TRIM62: variants seen among roughly 807,000 people sequenced by gnomAD.
The protein encoded by TRIM62 is E3 ubiquitin-protein ligase TRIM62.
In TRIM62, 39 loss-of-function variants were observed where a neutral mutation model predicts 44.2. That is an observed-to-expected ratio of 0.88 (90% CI 0.68 to 1.15). The LOEUF is 1.15. Among genes scored for constraint, TRIM62 ranks in the 50% most tolerant of loss-of-function variants. The probability of loss-of-function intolerance (pLI) is 0.00; values close to 1 mark genes in which losing one functional copy is unlikely to be tolerated. For synonymous variants in TRIM62, 278 were observed against 292.3 expected (o/e 0.95, Z 0.50); for missense variants, 544 against 665.5 (o/e 0.82, Z 2.01).
intron 3 of TRIM62, among the ~76,000 whole-genome samples, chr1:33,158,846 C>T (rs1161072711): frequency 2.0e-4 from 29 of 145,624 alleles, no homozygotes; most frequent in Admixed American, 5.5e-4. Context: ...TCTTTTTTTT[C>T]TTTTTTTTTT....
At position 33,167,874 on chromosome 1, in the gene TRIM62, T is replaced by C. The variant is rs994753805; in HGVS notation, c.409-2308A>G. Among the ~76,000 whole-genome samples, 1 of 152,218 alleles carries C rather than the reference T, an allele frequency of 6.6e-6. No individual in the cohort carries two copies. The highest frequency in any genetic ancestry group is 6.5e-5 in the Admixed American group (1 of 15,286). The stretch of plus-strand genomic sequence containing the variant: ...ATCTTTGATTACTATCAATTATTCA[T>C]TTAAAAAACATTTCTTGGGCAACTA... On this transcript the variant is annotated intron_variant, in intron 1 of 4. Transcript: ENST00000291416. This position sits in a 1 kb window ranked among gnomAD's most constrained non-coding sequence, Gnocchi z 4.2.
Position 33,147,792 on chromosome 1 carries a change from C to A in TRIM62, c.878-65G>T. The A allele has an allele frequency of 6.5e-7, 1 of 1,543,252 alleles. No homozygotes were observed. On this transcript the variant is annotated intron_variant, in intron 4 of 4. Transcript: ENST00000291416. This position sits in a 1 kb window ranked among gnomAD's most constrained non-coding sequence, Gnocchi z 8.1. ...AAGGCTGTGGACCCACCATGCAGTG[C>A]CTTCCTGAGGGCAGAGTTCTGGTTG...
intron 2 of TRIM62, among the ~76,000 whole-genome samples, chr1:33,162,693 A>AGGGGGGAAGGCAGGGACAG (rs1459195697): frequency 6.6e-6 from 1 of 152,080 alleles, no homozygotes; most frequent in South Asian, 2.1e-4. Context: ...TGGGAGGGAA[A>AGGGGGGAAGGCAGGGACAG]GGGGGGAAGG....
intron 4 of TRIM62, among the ~76,000 whole-genome samples, chr1:33,150,761 G>C: frequency 6.6e-6 from 1 of 152,126 alleles, no homozygotes; most frequent in Middle Eastern, 3.2e-3. Context: ...TGTAGGAGGA[G>C]TGTGTGGTAG....
chr1:33,175,001 G>GTA lies in TRIM62; in HGVS notation c.408+6022_408+6023dup, dbSNP rs56292337. On this transcript the variant is annotated intron_variant, in intron 1 of 4. Transcript: ENST00000291416. Reference sequence around the variant, plus strand: ...TATACATATATATGCACACACACATGTATGTATATGTATATGTATATGTAT... The same window carrying GTA: ...TATACATATATATGCACACACACATGTATATGTATATGTATATGTATATGTAT... 3.3e-3 allele frequency among the ~76,000 whole-genome samples: 450 copies of GTA among 135,642 alleles called. 6 individuals carry two copies. Among genetic ancestry groups the GTA allele is most frequent in the African/African-American group, 0.012 (418 of 34,296 alleles). 89.0% of individuals were successfully genotyped at this position (135,642 alleles called of 152,430 possible).
intron 1 of TRIM62, among the ~76,000 whole-genome samples, chr1:33,176,087 G>A (rs746626693): frequency 1.8e-4 from 28 of 152,132 alleles, no homozygotes; most frequent in Non-Finnish European, 2.6e-4. Context: ...GGCTGCTGTT[G>A]GCATAGAAAT....
rs151318008 is a variant in TRIM62 at position 33,147,821 on chromosome 1, C to T, written c.878-94G>A. ...CCTGAGGGCAGAGTTCTGGTTGGTA[C>T]GCAGGAGGCCTCTGACCTGCTGTGT... On this transcript the variant is annotated intron_variant, in intron 4 of 4. Transcript: ENST00000291416. This position sits in a 1 kb window ranked among gnomAD's most constrained non-coding sequence, Gnocchi z 8.1. 1.2e-5 allele frequency: 17 copies of T among 1,412,552 alleles called. No individual in the cohort carries two copies. The East Asian group carries it at 1.4e-4, about 12-fold the overall frequency. The allele number at this position is 1,412,552 out of a possible 1,614,324, so 87.5% of individuals were successfully genotyped here.
In TRIM62 at chr1:33,165,357, G is replaced by T. The variant is rs2124739034; in HGVS notation, c.504+114C>A. On this transcript the variant is annotated intron_variant, in intron 2 of 4. Coordinates refer to ENST00000291416, the MANE Select transcript of TRIM62 (RefSeq NM_018207.3). The surrounding 1 kb of genome is among the most constrained non-coding windows in gnomAD (Gnocchi z 4.0). ...CTCACTCCAGGTTTGGCTCCTTGAA[G>T]CCAGGTTTCCACCGCACACCCGAGG... 2.0e-6 allele frequency: 2 copies of T among 1,003,944 alleles called. No homozygotes were observed. The highest frequency in any genetic ancestry group is 2.9e-6 in the Non-Finnish European group (2 of 699,820). 62.2% of individuals were successfully genotyped at this position (1,003,944 alleles called of 1,614,324 possible). A position where few individuals can be genotyped will look rare whatever the true frequency, so the allele number is the denominator to read the frequency against.
rs1334624900 is a variant in TRIM62 at position 33,165,485 on chromosome 1, G to A, written c.490C>T (p.Leu164=). 6.2e-7 allele frequency: 1 copy of A among 1,606,510 alleles called. No homozygotes were observed. The highest frequency in any genetic ancestry group is 8.5e-7 in the Non-Finnish European group (1 of 1,176,554). The change falls in exon 2 of 5, where the codon CTG becomes TTG. Residue 164 remains leucine, a synonymous_variant. Transcript: ENST00000291416. This position sits in a 1 kb window ranked among gnomAD's most constrained non-coding sequence, Gnocchi z 4.0. ...TEALQLLKRQ[L]AETKSSTKSL... ...GCCAGGCTCACCTTGGTCTCCGCCAGTTGTCGCTTGAGCAGCTGCAGCGCT... is the reference window on the plus strand; with the variant it reads ...GCCAGGCTCACCTTGGTCTCCGCCAATTGTCGCTTGAGCAGCTGCAGCGCT...
At chr1:33,156,920 T>G (rs910158925) in intron 4 of TRIM62, among the ~76,000 whole-genome samples, 6 of 144,376 alleles carry the variant, frequency 4.2e-5, no homozygotes, top group African/African-American at 1.5e-4. Context: ...ATGTCCTAAA[T>G]CCCACCCCTT....
In TRIM62 at chr1:33,181,764, T is replaced by C; in HGVS notation, c.-332A>G. 1 of 263,466 alleles carries C rather than the reference T, an allele frequency of 3.8e-6. No homozygotes were observed. The highest frequency in any genetic ancestry group is 6.9e-6 in the Non-Finnish European group (1 of 144,296). The allele number at this position is 263,466 out of a possible 1,614,324, so 16.3% of individuals were successfully genotyped here. ...TAGGGGGCGGGGCAGTCCTAAGGGA[T>C]AGGAGCTGGGAGAAGGGGATCCCGG... On this transcript the variant is annotated 5_prime_UTR_variant, in exon 1 of 5. Transcript: ENST00000291416. The surrounding 1 kb of genome is among the most constrained non-coding windows in gnomAD (Gnocchi z 6.5).
chr1:33,181,237 G>A lies in TRIM62; in HGVS notation c.196C>T (p.Leu66Phe), dbSNP rs573635780. The change falls in exon 1 of 5, where the codon CTC becomes TTC. Residue 66 changes from leucine to phenylalanine, a missense_variant. Transcript: ENST00000291416. This position sits in a 1 kb window ranked among gnomAD's most constrained non-coding sequence, Gnocchi z 6.5. The part of the protein sequence containing the change: ...TFAEPALAPS[L>F]KLANIVERYS... ...CGCTCCACGATGTTGGCCAGCTTGA[G>A]GCTGGGCGCCAGCGCGGGCTCGGCG... The A allele has an allele frequency of 1.4e-5, 22 of 1,561,054 alleles. No individual in the cohort carries two copies. Among genetic ancestry groups the A allele is most frequent in the African/African-American group, 4.1e-5 (3 of 73,568 alleles).
intron 4 of TRIM62, among the ~76,000 whole-genome samples, chr1:33,156,631 G>A (rs569862910): frequency 3.9e-5 from 6 of 152,112 alleles, no homozygotes; most frequent in South Asian, 2.1e-4. Context: ...TTTTCTATCC[G>A]CCCCCACTTC....
Position 33,165,730 on chromosome 1 carries a change from C to G in TRIM62, c.409-164G>C. On this transcript the variant is annotated intron_variant, in intron 1 of 4. Coordinates refer to ENST00000291416, the MANE Select transcript of TRIM62 (RefSeq NM_018207.3). The surrounding 1 kb of genome is among the most constrained non-coding windows in gnomAD (Gnocchi z 4.0). ...CACCAGCAAGTCCTGTAGAGTCTGT[C>G]TCCTAAACACCTCCAGAACCCGTCC... 1 of 497,142 alleles carries G rather than the reference C, an allele frequency of 2.0e-6. No individual in the cohort carries two copies. Among genetic ancestry groups the G allele is most frequent in the East Asian group, 3.4e-5 (1 of 29,338 alleles). 30.8% of individuals were successfully genotyped at this position (497,142 alleles called of 1,614,324 possible). A position where few individuals can be genotyped will look rare whatever the true frequency, so the allele number is the denominator to read the frequency against.
chr1:33,153,066 G>C (rs1016964767), intron 4 of TRIM62, among the ~76,000 whole-genome samples: 1 of 152,012 alleles, frequency 6.6e-6, no homozygotes, highest in Non-Finnish European at 1.5e-5. Flanking sequence ...GAGGGTGGAA[G>C]TGCCAGAGCA....
Position 33,146,073 on chromosome 1 carries a change from A to AT in TRIM62, c.*1103dup, listed in dbSNP as rs986166009. ...TTTCTGGCATAGTGGCTTCCTGCAG[A>AT]TGGGGGCAGCTTTCCTGGTCACAAC... On this transcript the variant is annotated 3_prime_UTR_variant, in exon 5 of 5. Transcript: ENST00000291416. 11 of 352,592 alleles carry AT rather than the reference A, an allele frequency of 3.1e-5. No homozygotes were observed. The highest frequency in any genetic ancestry group is 2.4e-4 in the African/African-American group (11 of 46,434). 21.8% of individuals were successfully genotyped at this position (352,592 alleles called of 1,614,324 possible). A position where few individuals can be genotyped will look rare whatever the true frequency, so the allele number is the denominator to read the frequency against.
At position 33,161,811 on chromosome 1, in the gene TRIM62, G is replaced by A. The variant is rs1645272458; in HGVS notation, c.505-1867C>T. On this transcript the variant is annotated intron_variant, in intron 2 of 4. Coordinates refer to ENST00000291416, the MANE Select transcript of TRIM62 (RefSeq NM_018207.3). The surrounding 1 kb of genome is among the most constrained non-coding windows in gnomAD (Gnocchi z 4.3). ...CCACTCTGCAGCACTTAGCCCACTC[G>A]CCACCCTCTCCTAGTTGAAAGTTCT... 6.6e-6 allele frequency among the ~76,000 whole-genome samples: 1 copy of A among 152,078 alleles called. No individual in the cohort carries two copies. The highest frequency in any genetic ancestry group is 6.5e-5 in the Admixed American group (1 of 15,272).
rs1049218205 is a variant in TRIM62 at position 33,181,654 on chromosome 1, C to G, written c.-222G>C. ...TGGGACGCCAGCCCGGGAGGGCAGT[C>G]TAGAGGTAGTGGGCAGCTCAAGGCG... On this transcript the variant is annotated 5_prime_UTR_variant, in exon 1 of 5. Transcript: ENST00000291416. This position sits in a 1 kb window ranked among gnomAD's most constrained non-coding sequence, Gnocchi z 6.5. The G allele has an allele frequency of 1.3e-6, 1 of 786,938 alleles. No homozygotes were observed. Among genetic ancestry groups the G allele is most frequent in the Non-Finnish European group, 1.9e-6 (1 of 524,140 alleles). 48.7% of individuals were successfully genotyped at this position (786,938 alleles called of 1,614,324 possible). A position where few individuals can be genotyped will look rare whatever the true frequency, so the allele number is the denominator to read the frequency against.
At position 33,181,486 on chromosome 1, in the gene TRIM62, A is replaced by C; in HGVS notation, c.-54T>G. The stretch of plus-strand genomic sequence containing the variant: ...CGAGGGGCAGGGGGGCGGCTGAGAG[A>C]GCGCGGCGCTGTCGGAGGCAGCACC... On this transcript the variant is annotated 5_prime_UTR_variant, in exon 1 of 5. Transcript: ENST00000291416. The surrounding 1 kb of genome is among the most constrained non-coding windows in gnomAD (Gnocchi z 6.5). The C allele has an allele frequency of 2.6e-6, 4 of 1,518,864 alleles. No homozygotes were observed. The South Asian group carries it at 3.7e-5, about 14-fold the overall frequency. The allele number at this position is 1,518,864 out of a possible 1,614,324, so 94.1% of individuals were successfully genotyped here.
Sources: gnomAD v4.1 joint callset for allele counts (sites outside exome capture counted in the v4.1 genomes callset) on GRCh38, gnomAD v4.1.1 for gene constraint, Gnocchi (gnomAD v3.1) non-coding constraint, MANE v1.5 for transcripts, NCBI Gene and HGNC (gene_info 2026-07-23, HGNC 2026-07-21) for gene names.